CFAP221: variants seen among roughly 807,000 people sequenced by gnomAD.
CFAP221 encodes the protein cilia and flagella associated protein 221, also known as cilia- and flagella-associated protein 221.
A neutral mutation model predicts 113.1 loss-of-function variants in CFAP221; 97 were observed. The ratio of observed to expected loss-of-function variants is 0.86; its 90% CI spans 0.73 to 1.02. The LOEUF is 1.02. Ranked by LOEUF, CFAP221 falls within the 50% of genes least tolerant of loss-of-function variation. The pLI is 0.00. For synonymous variants in CFAP221, 331 were observed against 354.4 expected, an observed-to-expected ratio of 0.93 and a Z score of 0.74; for missense variants, 1,025 against 1,013.4, an observed-to-expected ratio of 1.01 and a Z score of -0.16.
Position 119,566,782 on chromosome 2 carries a change from G to A in CFAP221, c.527+4668G>A, listed in dbSNP as rs546316984. On this transcript the variant is annotated intron_variant, in intron 6 of 23. Transcript: ENST00000413369. ...GGTCAGTGCCTCTTTTGGCTTAACC[G>A]TCTACTTGTCATGATGTCTTTCAGA... Among the ~76,000 whole-genome samples the A allele has an allele frequency of 4.6e-5, 7 of 152,022 alleles. 1 individual carries two copies. The East Asian group carries it at 5.8e-4, about 13-fold the overall frequency.
chr2:119,596,573 T>C (rs1408153334), intron 7 of CFAP221, among the ~76,000 whole-genome samples: 2 of 152,234 alleles, frequency 1.3e-5, no homozygotes, highest in Non-Finnish European at 2.9e-5. Flanking sequence ...TTTTGGATAT[T>C]TGATGAACAG....
At position 119,594,503 on chromosome 2, in the gene CFAP221, C is replaced by CA. The variant is rs542949750; in HGVS notation, c.632-6712dup. 8.9e-4 allele frequency among the ~76,000 whole-genome samples: 136 copies of CA among 152,254 alleles called. 2 individuals are homozygous for CA. The highest frequency in any genetic ancestry group is 3.1e-3 in the African/African-American group (128 of 41,522). On this transcript the variant is annotated intron_variant, in intron 7 of 23. Coordinates refer to ENST00000413369, the MANE Select transcript of CFAP221 (RefSeq NM_001271049.2). ...TCATGATCCACCCTCGTCAGCCTCC[C>CA]AAAGTGCTGGGATTACAGGTGTGAG...
chr2:119,641,145 C>T (rs138792812), intron 21 of CFAP221, among the ~76,000 whole-genome samples: 124 of 152,286 alleles, frequency 8.1e-4, no homozygotes, highest in Admixed American at 1.3e-3. Context: ...TTGGTAAGCT[C>T]TTCCTGAACT....
rs147638703 is a variant in CFAP221, at chr2:119,639,870, G to A, written c.2223G>A (p.Lys741=). 6 of 1,612,966 alleles carry A rather than the reference G, an allele frequency of 3.7e-6. No homozygotes were observed. The highest frequency in any genetic ancestry group is 4.2e-6 in the Non-Finnish European group (5 of 1,179,100). The change falls in exon 21 of 24, where the codon AAG becomes AAA. Residue 741 remains lysine, a splice_region_variant and synonymous_variant. Transcript: ENST00000413369. ...ACCCCTCCAAGATGGAGACCACAAA[G>A]AGGTAAGCACAGCTCATCTGTTTGC... The part of the protein sequence containing the change: ...LPDPSKMETT[K]SCDSFNSFML...
chr2:119,656,484 G>A lies in CFAP221; in HGVS notation c.*14G>A, dbSNP rs376832762. Reference sequence around the variant, plus strand: ...ATTCTAGAATGAAAGTCACCAGTAGGTCAGTCCCTTCCATTTGCTTTCCGT... The same window carrying A: ...ATTCTAGAATGAAAGTCACCAGTAGATCAGTCCCTTCCATTTGCTTTCCGT... On this transcript the variant is annotated 3_prime_UTR_variant, in exon 24 of 24. Coordinates refer to ENST00000413369, the MANE Select transcript of CFAP221 (RefSeq NM_001271049.2). The A allele has an allele frequency of 7.8e-5, 124 of 1,594,918 alleles. No individual in the cohort carries two copies. The highest frequency in any genetic ancestry group is 1.2e-4 in the Admixed American group (7 of 59,896).
At chr2:119,568,321 T>A (rs1681790795) in intron 6 of CFAP221, among the ~76,000 whole-genome samples, 1 of 151,094 alleles carries the variant, frequency 6.6e-6, no homozygotes, top group Admixed American at 6.6e-5. Context: ...TGTTCTTCCT[T>A]TATTTTTATT....
Position 119,656,362 on chromosome 2 carries a change from A to G in CFAP221, c.2415A>G (p.Lys805=). The G allele has an allele frequency of 1.2e-6, 2 of 1,613,734 alleles. No homozygotes were observed. Among genetic ancestry groups the G allele is most frequent in the South Asian group, 1.1e-5 (1 of 91,072 alleles). The part of the protein sequence containing the change: ...MLNYKDIRKE[K]EVKDQAQPAE... Reference sequence around the variant, plus strand: ...CCTTCTTGGGTTTTTTGATACTCAGAGAAGTGAAAGATCAAGCACAACCAG... The same window carrying G: ...CCTTCTTGGGTTTTTTGATACTCAGGGAAGTGAAAGATCAAGCACAACCAG... Residue 805 remains lysine (K), a splice_region_variant and synonymous_variant, in exon 24 of 24, where the codon AAA becomes AAG. Coordinates refer to ENST00000413369, the MANE Select transcript of CFAP221 (RefSeq NM_001271049.2).
chr2:119,618,000 C>T (rs2104721361), intron 14 of CFAP221, among the ~76,000 whole-genome samples: 1 of 152,320 alleles, frequency 6.6e-6, no homozygotes, highest in East Asian at 1.9e-4. Context: ...CACATCTCAC[C>T]TCTGCAGAGG....
At chr2:119,578,818 C>A (rs1244924248) in intron 6 of CFAP221, among the ~76,000 whole-genome samples, 1 of 152,122 alleles carries the variant, frequency 6.6e-6, no homozygotes, top group East Asian at 1.9e-4. Context: ...CTCTTCACCC[C>A]CCTCTCTAGA....
intron 6 of CFAP221, among the ~76,000 whole-genome samples, chr2:119,574,991 G>A (rs547936479): frequency 6.6e-6 from 1 of 152,222 alleles, no homozygotes; most frequent in East Asian, 1.9e-4. Context: ...ATTATTGCTG[G>A]TGGGTAAGGT....
At chr2:119,561,547 C>G (rs2104541436) in intron 5 of CFAP221, among the ~76,000 whole-genome samples, 1 of 152,240 alleles carries the variant, frequency 6.6e-6, no homozygotes, top group South Asian at 2.1e-4. Flanking sequence ...AAGAAAGAAA[C>G]TATGCCTGGA....
Position 119,656,580 on chromosome 2 carries a change from A to G in CFAP221, c.*110A>G. 1.4e-6 allele frequency: 1 copy of G among 697,098 alleles called. No individual in the cohort carries two copies. The highest frequency in any genetic ancestry group is 1.7e-5 in the South Asian group (1 of 57,226). The allele number at this position is 697,098 out of a possible 1,614,324, so 43.2% of individuals were successfully genotyped here. A position where few individuals can be genotyped will look rare whatever the true frequency, so the allele number is the denominator to read the frequency against. On this transcript the variant is annotated 3_prime_UTR_variant, in exon 24 of 24. Coordinates refer to ENST00000413369, the MANE Select transcript of CFAP221 (RefSeq NM_001271049.2). ...GCAATTAAAGTTTCTGGATAAAAAA[A>G]TGAAATGTAGAGGATGTATATATCT...
intron 6 of CFAP221, among the ~76,000 whole-genome samples, chr2:119,565,954 T>A (rs1681594262): frequency 6.6e-6 from 1 of 152,224 alleles, no homozygotes; most frequent in Non-Finnish European, 1.5e-5. Context: ...AACAAACCTT[T>A]ATTGAATGCC....
chr2:119,638,452 C>T, intron 20 of CFAP221, 35 bp downstream of exon 20: 1 of 1,612,550 alleles, frequency 6.2e-7, no homozygotes, highest in Non-Finnish European at 8.5e-7. Context: ...GCAGAGTGAC[C>T]CTGGGCTGCA....
chr2:119,606,417 CTGA>C (rs1684768990), intron 11 of CFAP221, among the ~76,000 whole-genome samples: 1 of 152,106 alleles, frequency 6.6e-6, no homozygotes, highest in Non-Finnish European at 1.5e-5. Flanking sequence ...CTGAAGCCCT[CTGA>C]AGGTGCCCAC....
Position 119,602,778 on chromosome 2 carries a change from T to C in CFAP221, c.791+1401T>C, listed in dbSNP as rs573279756. On this transcript the variant is annotated intron_variant, in intron 8 of 23. Transcript: ENST00000413369. The stretch of plus-strand genomic sequence containing the variant: ...AAATAAGCAGGTGAGCAAAATGGTG[T>C]TTGCCACTTCACATCAGGTGCTACA... 6 of 985,408 alleles carry C rather than the reference T, an allele frequency of 6.1e-6. No individual in the cohort carries two copies. In the African/African-American group the frequency reaches 1.0e-4, roughly 17 times the overall value. The allele number at this position is 985,408 out of a possible 1,614,324, so 61.0% of individuals were successfully genotyped here.
intron 8 of CFAP221, among the ~76,000 whole-genome samples, chr2:119,603,695 T>C (rs566962823): frequency 6.6e-5 from 10 of 152,236 alleles, no homozygotes; most frequent in Non-Finnish European, 1.3e-4. Flanking sequence ...TAAGCTATTA[T>C]GCCAAATTGG....
chr2:119,596,482 CT>C (rs1398984491), intron 7 of CFAP221, among the ~76,000 whole-genome samples: 1 of 152,218 alleles, frequency 6.6e-6, no homozygotes, highest in Non-Finnish European at 1.5e-5. Flanking sequence ...CCAGCATCCT[CT>C]ACTCAGACTC....
intron 6 of CFAP221, among the ~76,000 whole-genome samples, chr2:119,582,187 A>C (rs1200151603): frequency 6.6e-6 from 1 of 152,258 alleles, no homozygotes; most frequent in Non-Finnish European, 1.5e-5. Flanking sequence ...GAAGAAAAAC[A>C]TATTTGGAAA....
Sources: allele counts gnomAD v4.1 joint callset (sites outside exome capture counted in the v4.1 genomes callset), GRCh38; gene constraint gnomAD v4.1.1; transcripts MANE v1.5; gene names NCBI Gene and HGNC (gene_info 2026-07-23, HGNC 2026-07-21).